Variants in EP400 observed in about 807,000 individuals in gnomAD.
EP400 encodes the protein E1A-binding protein p400.
Under a neutral mutation model 354.1 loss-of-function variants are expected in EP400, and 105 were observed. That is an observed-to-expected ratio of 0.30 (90% CI 0.25 to 0.35). The LOEUF is 0.35. Among genes scored for constraint, EP400 ranks in the 10% least tolerant of loss-of-function variants. The pLI is 1.00. For missense variants in EP400, 3,280 were observed against 4,121.0 expected, an observed-to-expected ratio of 0.80 and a Z score of 5.59; for synonymous variants, 1,646 against 1,716.9, an observed-to-expected ratio of 0.96 and a Z score of 1.02.
In EP400 at chr12:132,064,883, G is replaced by A; in HGVS notation, c.8550G>A (p.Arg2850=). 2 of 1,603,766 alleles carry A rather than the reference G, an allele frequency of 1.2e-6. No homozygotes were observed. Among genetic ancestry groups the A allele is most frequent in the South Asian group, 2.2e-5 (2 of 90,558 alleles). The change falls in exon 48 of 53, where the codon CGG becomes CGA. Residue 2850 remains arginine, a synonymous_variant. Coordinates refer to ENST00000389561, the MANE Select transcript of EP400 (RefSeq NM_015409.5). ...GTTVANLQVA[R]LTRVPTSQLQ... ...CCGTGGCCAACCTCCAGGTGGCCCG[G>A]CTCGTAAGTGTCAGTTTCTGTTTGT...
At chr12:132,046,872 C>G (rs931933954) in intron 39 of EP400, among the ~76,000 whole-genome samples, 2 of 152,230 alleles carry the variant, frequency 1.3e-5, no homozygotes, top group African/African-American at 4.8e-5. Flanking sequence ...GCCTGACTTC[C>G]AGGGCACGTG....
At chr12:132,034,628 A>G (rs1297605146) in intron 30 of EP400, among the ~76,000 whole-genome samples, 2 of 152,204 alleles carry the variant, frequency 1.3e-5, no homozygotes, top group Non-Finnish European at 2.9e-5. Context: ...GTCGGGGCAG[A>G]TAGCCCGGCA....
In EP400 at chr12:132,062,749, C is replaced by T. The variant is rs186145979; in HGVS notation, c.8334+48C>T. 75 of 1,604,356 alleles carry T rather than the reference C, an allele frequency of 4.7e-5. No individual in the cohort carries two copies. The East Asian group carries it at 1.4e-3, about 31-fold the overall frequency. ...TGAACGTGTGCGTCTTGCGGTCAGT[C>T]AGCCCAGCGTCTGTGAGACGGTGCC... is the stretch of plus-strand genomic sequence containing the variant. On this transcript the variant is annotated intron_variant, in intron 47 of 52. Transcript: ENST00000389561.
chr12:132,013,682 A>G lies in EP400; in HGVS notation c.3786+18A>G. ...TACACAGGGTAGGTTGGGTTCTGCCATTTCAGTTAATTAATTAAACATGCG... is the reference window on the plus strand; with the variant it reads ...TACACAGGGTAGGTTGGGTTCTGCCGTTTCAGTTAATTAATTAAACATGCG... On this transcript the variant is annotated intron_variant, in intron 18 of 52. Transcript: ENST00000389561. This position sits in a 1 kb window ranked among gnomAD's most constrained non-coding sequence, Gnocchi z 4.5. 6.2e-7 allele frequency: 1 copy of G among 1,604,600 alleles called. No homozygotes were observed. Among genetic ancestry groups the G allele is most frequent in the Non-Finnish European group, 8.5e-7 (1 of 1,174,146 alleles).
chr12:131,976,452 G>A (rs1422177718), intron 2 of EP400, among the ~76,000 whole-genome samples: 6 of 152,168 alleles, frequency 3.9e-5, no homozygotes, highest in African/African-American at 1.4e-4. Flanking sequence ...GGTGGCTCAC[G>A]CCTGTAATGC....
chr12:131,964,755 C>A (rs1032033242), intron 2 of EP400, among the ~76,000 whole-genome samples: 12 of 152,138 alleles, frequency 7.9e-5, no homozygotes, highest in African/African-American at 2.9e-4. Context: ...TCTGTAAATA[C>A]TTCAGCATGT....
At position 132,079,238 on chromosome 12, in the gene EP400, G is replaced by C. The variant is rs550809114; in HGVS notation, c.*1565G>C. ...GGGAGCTCACTTGAGCTCTTGATAA[G>C]AAATGTGGAGAAAAGTAAAAACCAA... On this transcript the variant is annotated 3_prime_UTR_variant, in exon 53 of 53. Coordinates refer to ENST00000389561, the MANE Select transcript of EP400 (RefSeq NM_015409.5). 1 of 152,372 alleles carries C rather than the reference G, an allele frequency of 6.6e-6. No homozygotes were observed. The highest frequency in any genetic ancestry group is 6.5e-5 in the Admixed American group (1 of 15,308). 9.4% of individuals were successfully genotyped at this position (152,372 alleles called of 1,614,324 possible).
At chr12:131,996,715 G>GT (rs770824419) in intron 12 of EP400, among the ~76,000 whole-genome samples, 11 of 152,206 alleles carry the variant, frequency 7.2e-5, no homozygotes, top group Non-Finnish European at 1.3e-4. Flanking sequence ...GTAAAAAGTA[G>GT]TATCTCCTTG....
At chr12:132,000,895 T>G (rs1357872191) in intron 12 of EP400, among the ~76,000 whole-genome samples, 1 of 152,260 alleles carries the variant, frequency 6.6e-6, no homozygotes, top group Admixed American at 6.5e-5. Context: ...GTCATCTCTT[T>G]TATTTCTTCA....
intron 10 of EP400, 48 bp from the exon 11 acceptor site, chr12:131,992,125 C>G (rs1566176818): frequency 1.3e-6 from 2 of 1,586,974 alleles, no homozygotes; most frequent in Non-Finnish European, 1.7e-6. Context: ...GTTTCCCATT[C>G]TGAGTGTTTG....
intron 30 of EP400, 76 bp downstream of exon 30, chr12:132,032,225 C>T (rs899145966): frequency 1.2e-5 from 18 of 1,460,910 alleles, no homozygotes; most frequent in Middle Eastern, 2.5e-4. Context: ...CGGGGATGGC[C>T]GCGTGGAAAT....
Position 132,038,629 on chromosome 12 carries a change from A to G in EP400, c.6207+533A>G, listed in dbSNP as rs544367580. On this transcript the variant is annotated intron_variant, in intron 32 of 52. Transcript: ENST00000389561. The surrounding 1 kb of genome is among the most constrained non-coding windows in gnomAD (Gnocchi z 4.2). ...ATATTTTGGCTATCGGGTTATGTCA[A>G]TATTTTACTGTTTCGGTGTGGGTAG... Among the ~76,000 whole-genome samples, 24 of 152,382 alleles carry G rather than the reference A, an allele frequency of 1.6e-4. No individual in the cohort carries two copies. The highest frequency in any genetic ancestry group is 5.2e-4 in the Admixed American group (8 of 15,312).
In EP400 at chr12:132,037,690, G is replaced by T. The variant is rs558641758; in HGVS notation, c.5960G>T (p.Ser1987Ile). Residue 1987 changes from serine (S) to isoleucine (I), a missense_variant, in exon 31 of 53, where the codon AGT becomes ATT. By Grantham distance (142) the Ser-to-Ile change is moderately radical. Around this residue, in one of 20 missense-constraint regions of EP400, gnomAD observed 459 missense variants for 496.9 expected, o/e 0.92. Transcript: ENST00000389561. ...CKDIHIYRLV[S>I]GNSIEEKLLK... Reference sequence around the variant, plus strand: ...ACATCTTTTGTTTGCAGGCTTGTGAGTGGCAATTCCATTGAAGAGAAATTG... The same window carrying T: ...ACATCTTTTGTTTGCAGGCTTGTGATTGGCAATTCCATTGAAGAGAAATTG... 1 of 1,614,132 alleles carries T rather than the reference G, an allele frequency of 6.2e-7. No homozygotes were observed. The highest frequency in any genetic ancestry group is 1.3e-5 in the African/African-American group (1 of 75,056).
At chr12:132,047,847 T>A (rs1474862756) in intron 39 of EP400, among the ~76,000 whole-genome samples, 2 of 144,162 alleles carry the variant, frequency 1.4e-5, no homozygotes, top group African/African-American at 4.9e-5. Flanking sequence ...CCTACAGCTG[T>A]GACCGTAAAA....
intron 39 of EP400, among the ~76,000 whole-genome samples, chr12:132,049,686 G>A (rs1895231215): frequency 6.6e-6 from 1 of 152,304 alleles, no homozygotes; most frequent in South Asian, 2.1e-4. Flanking sequence ...CTACCTCTGT[G>A]ACCTTGCACA....
At chr12:132,042,529 G>A (rs1894949535) in intron 32 of EP400, among the ~76,000 whole-genome samples, 1 of 152,158 alleles carries the variant, frequency 6.6e-6, no homozygotes, top group Admixed American at 6.5e-5. Flanking sequence ...ATTGTTTTAT[G>A]TTTGCTATTT....
intron 2 of EP400, among the ~76,000 whole-genome samples, chr12:131,969,388 C>G (rs1032875871): frequency 2.0e-5 from 3 of 152,190 alleles, no homozygotes; most frequent in Admixed American, 6.5e-5. Flanking sequence ...GTAACCCATA[C>G]AATGGTCAAC....
intron 2 of EP400, among the ~76,000 whole-genome samples, chr12:131,969,208 G>A (rs1892207156): frequency 6.6e-6 from 1 of 152,018 alleles, no homozygotes; most frequent in South Asian, 2.1e-4. Flanking sequence ...AGTATATCAT[G>A]AATTGATGTT....
At chr12:131,966,898 T>C (rs7312672) in intron 2 of EP400, among the ~76,000 whole-genome samples, 22,089 of 128,114 alleles carry the variant, frequency 0.17, 3,253 homozygotes, top group African/African-American at 0.41. Context: ...GAGTGAGACT[T>C]GTCTCAAAAA....
Sources: gnomAD v4.1 joint callset for allele counts (sites outside exome capture counted in the v4.1 genomes callset) on GRCh38, gnomAD v4.1.1 for gene constraint, gnomAD v4.1.1 regional missense constraint, Gnocchi (gnomAD v3.1) non-coding constraint, MANE v1.5 for transcripts, NCBI Gene and HGNC (gene_info 2026-07-23, HGNC 2026-07-21) for gene names.